Variants in CCDC33 observed in about 807,000 individuals in gnomAD.
CCDC33 encodes the protein coiled-coil domain-containing protein 33.
A neutral mutation model predicts 91.9 loss-of-function variants in CCDC33; 94 were observed. The ratio of observed to expected loss-of-function variants is 1.02; its 90% confidence interval spans 0.87 to 1.21. CCDC33 has a LOEUF of 1.21. Ranked by LOEUF, CCDC33 falls within the 50% of genes most tolerant of loss-of-function variation. The pLI, the probability that CCDC33 is intolerant of heterozygous loss-of-function variation, is 0.00. For synonymous variants in CCDC33, 396 were observed against 374.5 expected (o/e 1.06, Z -0.66); for missense variants, 940 against 935.5 (o/e 1.00, Z -0.06).
rs1405778416 is a variant in CCDC33 at position 74,331,069 on chromosome 15, A to AGAAGAT, written c.1639_1644dup (p.Met547_Lys548dup). 4 of 1,613,568 alleles carry AGAAGAT rather than the reference A, an allele frequency of 2.5e-6. No individual in the cohort carries two copies. Among genetic ancestry groups the AGAAGAT allele is most frequent in the Non-Finnish European group, 3.4e-6 (4 of 1,179,778 alleles). ...CTGAAGCAGTACCAGGGCAAGCTGCAGAAGATGAAGGCGCTGGAGGAGACT... is the reference window on the plus strand; with the variant it reads ...CTGAAGCAGTACCAGGGCAAGCTGCAGAAGATGAAGATGAAGGCGCTGGAGGAGACT... On this transcript the variant is annotated inframe_insertion, in exon 14 of 19. Transcript: ENST00000398814.
At chr15:74,257,030 A>AG (rs1289903402) in intron 2 of CCDC33, among the ~76,000 whole-genome samples, 1 of 152,210 alleles carries the variant, frequency 6.6e-6, no homozygotes, top group African/African-American at 2.4e-5. Flanking sequence ...CATGCCCTGC[A>AG]GGCAAGGGCA....
chr15:74,261,698 C>T (rs560997122), intron 2 of CCDC33, among the ~76,000 whole-genome samples: 4 of 152,288 alleles, frequency 2.6e-5, no homozygotes, highest in South Asian at 4.1e-4. Context: ...TTTGACGGCT[C>T]TGGATCTCCG....
intron 1 of CCDC33, among the ~76,000 whole-genome samples, chr15:74,241,709 G>A (rs1176054384): frequency 1.3e-5 from 2 of 152,234 alleles, no homozygotes; most frequent in Non-Finnish European, 2.9e-5. Flanking sequence ...CATCAGAGGC[G>A]AGTCGGGACA....
chr15:74,283,518 G>A (rs2059410937), intron 10 of CCDC33, among the ~76,000 whole-genome samples: 1 of 152,196 alleles, frequency 6.6e-6, no homozygotes, highest in Non-Finnish European at 1.5e-5. Context: ...GCTGTGCTAA[G>A]TGCAGAATTA....
intron 3 of CCDC33, among the ~76,000 whole-genome samples, chr15:74,265,521 T>C (rs966411594): frequency 3.9e-5 from 6 of 152,338 alleles, no homozygotes; most frequent in Admixed American, 6.5e-5. Flanking sequence ...ATGTGTTATG[T>C]TGATCAAGTT....
chr15:74,258,495 G>C (rs558237805), intron 2 of CCDC33, among the ~76,000 whole-genome samples: 11 of 152,300 alleles, frequency 7.2e-5, no homozygotes, highest in Admixed American at 2.6e-4. Flanking sequence ...CAGGGCAGGT[G>C]GGGGAGGTGG....
At chr15:74,312,621 G>A (rs542246579) in intron 11 of CCDC33, among the ~76,000 whole-genome samples, 30 of 152,290 alleles carry the variant, frequency 2.0e-4, no homozygotes, top group African/African-American at 6.7e-4. Context: ...ACTTGTTGGC[G>A]CCATCTGTTC....
intron 11 of CCDC33, among the ~76,000 whole-genome samples, chr15:74,314,486 C>A (rs2060053159): frequency 6.6e-6 from 1 of 152,166 alleles, no homozygotes; most frequent in Non-Finnish European, 1.5e-5. Context: ...TCAAGGCAGA[C>A]AGTGGATTCA....
chr15:74,242,414 A>G (rs372646528), intron 1 of CCDC33, among the ~76,000 whole-genome samples: 69 of 152,292 alleles, frequency 4.5e-4, no homozygotes, highest in African/African-American at 1.6e-3. Flanking sequence ...CTGGGCCTCA[A>G]TTTCCTCTCT....
At chr15:74,249,097 G>A (rs923486804) in intron 2 of CCDC33, among the ~76,000 whole-genome samples, 3 of 152,092 alleles carry the variant, frequency 2.0e-5, no homozygotes, top group African/African-American at 7.2e-5. Context: ...GCCCTCACCA[G>A]AACAAGAAGT....
chr15:74,232,141 G>A (rs1364074369), upstream of CCDC33, among the ~76,000 whole-genome samples: 2 of 152,206 alleles, frequency 1.3e-5, no homozygotes, highest in African/African-American at 4.8e-5. Flanking sequence ...AAAGTTGGGG[G>A]TGTGAAGGGG....
At chr15:74,319,681 A>G (rs905776473) in intron 11 of CCDC33, 3 of 152,374 alleles carry the variant, frequency 2.0e-5, no homozygotes, top group Non-Finnish European at 4.4e-5. Flanking sequence ...GGCAGCGTTC[A>G]GAAAAGCCTA....
chr15:74,277,244 G>A (rs1566991653), intron 7 of CCDC33, among the ~76,000 whole-genome samples: 1 of 152,230 alleles, frequency 6.6e-6, no homozygotes, highest in Admixed American at 6.5e-5. Flanking sequence ...AGGCCACACA[G>A]CAAGGTTGAG....
chr15:74,334,664 T>G (rs146849652), intron 17 of CCDC33, among the ~76,000 whole-genome samples: 3,820 of 148,832 alleles, frequency 0.026, 165 homozygotes, highest in African/African-American at 0.091. Context: ...TCAGTGTATA[T>G]CCAGGGTCAG....
At chr15:74,222,387 G>A (rs899904280) in intron 2 of CCDC33, among the ~76,000 whole-genome samples, 5 of 122,168 alleles carry the variant, frequency 4.1e-5, no homozygotes, top group African/African-American at 1.6e-4. Flanking sequence ...CTGAGCTCTG[G>A]AAGGAGAAGG....
At chr15:74,223,589 C>G (rs2074676669) in intron 2 of CCDC33, among the ~76,000 whole-genome samples, 1 of 152,128 alleles carries the variant, frequency 6.6e-6, no homozygotes, top group East Asian at 1.9e-4. Flanking sequence ...CCACCCCTCC[C>G]CCAGCCACCA....
At chr15:74,312,795 C>G (rs549620759) in intron 11 of CCDC33, among the ~76,000 whole-genome samples, 3 of 152,250 alleles carry the variant, frequency 2.0e-5, no homozygotes, top group Admixed American at 6.5e-5. Flanking sequence ...GTCTAGGACC[C>G]CTGAAGGCAA....
At position 74,206,779 on chromosome 15, in the gene CCDC33, G is replaced by T. The variant is rs1208635295; in HGVS notation, n.90-2609G>T. Among the ~76,000 whole-genome samples the T allele has an allele frequency of 5.9e-5, 9 of 152,316 alleles. No homozygotes were observed. In the East Asian group the frequency reaches 1.7e-3, roughly 29 times the overall value. ...CACGTGTCTCAGGAGTGCCAAGAAGGGAAGTCTGAGAGACAAGGAGAGAGT... is the reference window on the plus strand; with the variant it reads ...CACGTGTCTCAGGAGTGCCAAGAAGTGAAGTCTGAGAGACAAGGAGAGAGT... On this transcript the variant is annotated intron_variant and non_coding_transcript_variant, in intron 1 of 3. Coordinates refer to the CCDC33 transcript ENST00000558645.
intron 11 of CCDC33, among the ~76,000 whole-genome samples, chr15:74,321,953 G>C (rs766037912): frequency 2.0e-5 from 3 of 152,128 alleles, no homozygotes; most frequent in Non-Finnish European, 4.4e-5. Context: ...TGGTGTAGGC[G>C]AGAAACAGCT....
Sources: gnomAD v4.1 joint callset for allele counts (sites outside exome capture counted in the v4.1 genomes callset) on GRCh38, gnomAD v4.1.1 for gene constraint, MANE v1.5 for transcripts, NCBI Gene and HGNC (gene_info 2026-07-23, HGNC 2026-07-21) for gene names.